The following SMARCC1 variants were observed in gnomAD, a reference collection of about 807,000 sequenced individuals.
SMARCC1 encodes the protein SWI/SNF related BAF chromatin remodeling complex subunit C1.
In SMARCC1, 43 loss-of-function variants were observed where a neutral mutation model predicts 147.4. The observed-to-expected ratio is 0.29, with a 90% CI of 0.23 to 0.38. SMARCC1 has a LOEUF of 0.38. SMARCC1 is among the 10% of genes least tolerant of loss of function. The probability of loss-of-function intolerance (pLI) is 1.00; values close to 1 mark genes in which losing one functional copy is unlikely to be tolerated. For synonymous variants in SMARCC1, 495 were observed against 484.4 expected (o/e 1.02, Z -0.29); for missense variants, 1,119 against 1,381.1 (o/e 0.81, Z 3.01).
At chr3:47,640,963 A>T (rs563012608) in intron 21 of SMARCC1, among the ~76,000 whole-genome samples, 6 of 152,356 alleles carry the variant, frequency 3.9e-5, no homozygotes, top group African/African-American at 1.2e-4. Flanking sequence ...ATTGAAAAGT[A>T]TCTGACAAAA....
At chr3:47,667,163 A>C (rs1198136210) in intron 19 of SMARCC1, among the ~76,000 whole-genome samples, 1 of 151,810 alleles carries the variant, frequency 6.6e-6, no homozygotes, top group Admixed American at 6.6e-5. Flanking sequence ...TAAAAACACA[A>C]AAAAATTAGC....
intron 11 of SMARCC1, among the ~76,000 whole-genome samples, chr3:47,699,803 G>A (rs894854522): frequency 3.3e-5 from 5 of 151,604 alleles, no homozygotes; most frequent in East Asian, 1.9e-4. Context: ...ATTTTTAACC[G>A]TATACTTCCT....
intron 7 of SMARCC1, among the ~76,000 whole-genome samples, chr3:47,715,157 A>C (rs2034140945): frequency 6.6e-6 from 1 of 152,120 alleles, no homozygotes; most frequent in Non-Finnish European, 1.5e-5. Context: ...TCCCTTGCTA[A>C]TTTCATTCAT....
chr3:47,633,779 T>TATACACACACACACACACAC (rs1367543059), intron 24 of SMARCC1, among the ~76,000 whole-genome samples: 1 of 28,874 alleles, frequency 3.5e-5, no homozygotes. Context: ...TATATATATA[T>TATACACACACACACACACAC]ACACACACAC....
chr3:47,738,306 C>T (rs916217791), intron 3 of SMARCC1, among the ~76,000 whole-genome samples, 196 bp from the exon 4 acceptor site: 1 of 152,136 alleles, frequency 6.6e-6, no homozygotes, highest in Admixed American at 6.6e-5. Flanking sequence ...TAAGATCCAC[C>T]TCAGTGAAAA....
chr3:47,705,468 A>G (rs1239339443), intron 10 of SMARCC1, among the ~76,000 whole-genome samples: 1 of 152,190 alleles, frequency 6.6e-6, no homozygotes, highest in Non-Finnish European at 1.5e-5. Context: ...TGATGAGTGT[A>G]ACTTGCTTAA....
At chr3:47,739,540 T>C (rs994183183) in intron 3 of SMARCC1, among the ~76,000 whole-genome samples, 1 of 152,118 alleles carries the variant, frequency 6.6e-6, no homozygotes, top group African/African-American at 2.4e-5. Flanking sequence ...ACTATGTTGG[T>C]CCAGACTGGT....
chr3:47,767,438 C>T (rs1277277864), intron 2 of SMARCC1, among the ~76,000 whole-genome samples: 1 of 146,888 alleles, frequency 6.8e-6, no homozygotes, highest in Non-Finnish European at 1.5e-5. Flanking sequence ...TGGAGTTTCT[C>T]CATGTTGGTC....
intron 26 of SMARCC1, among the ~76,000 whole-genome samples, chr3:47,596,374 C>T (rs2032282207): frequency 1.3e-5 from 2 of 151,896 alleles, no homozygotes; most frequent in South Asian, 4.2e-4. Context: ...TCAAGACCAG[C>T]CCGGCCAAGA....
intron 24 of SMARCC1, among the ~76,000 whole-genome samples, 186 bp downstream of exon 24, chr3:47,635,004 T>C (rs41290666): frequency 6.6e-6 from 1 of 152,226 alleles, no homozygotes; most frequent in Non-Finnish European, 1.5e-5. Context: ...AGTCACCCTT[T>C]AGACTGGATC....
chr3:47,601,698 CTT>C (rs869165458), intron 26 of SMARCC1: 22 of 138,218 alleles, frequency 1.6e-4, no homozygotes, highest in East Asian at 2.1e-4. Flanking sequence ...CTTTTTTTTT[CTT>C]TTTTTTTTTT....
At position 47,684,850 on chromosome 3, in the gene SMARCC1, C is replaced by T. The variant is rs899273333; in HGVS notation, c.1385+1199G>A. Among the ~76,000 whole-genome samples the T allele has an allele frequency of 2.6e-5, 4 of 151,996 alleles. 1 individual carries two copies. Among genetic ancestry groups the T allele is most frequent in the South Asian group, 4.1e-4 (2 of 4,826 alleles). On this transcript the variant is annotated intron_variant, in intron 14 of 27. Transcript: ENST00000254480. ...GACAGGGCCATTAAGTTTTTTCCTA[C>T]GTATACACATAAACACACACATACC...
At chr3:47,734,859 G>C (rs886689135) in intron 5 of SMARCC1, among the ~76,000 whole-genome samples, 1 of 152,224 alleles carries the variant, frequency 6.6e-6, no homozygotes, top group Non-Finnish European at 1.5e-5. Context: ...CTGGGTTCAA[G>C]TGATTCTCCT....
At chr3:47,712,696 T>G (rs1226788221) in intron 8 of SMARCC1, among the ~76,000 whole-genome samples, 1 of 152,178 alleles carries the variant, frequency 6.6e-6, no homozygotes, top group Non-Finnish European at 1.5e-5. Context: ...GAGGCAAAGC[T>G]TGGATTTGCA....
chr3:47,694,849 C>T (rs1168257104), intron 11 of SMARCC1, among the ~76,000 whole-genome samples: 1 of 152,206 alleles, frequency 6.6e-6, no homozygotes, highest in Admixed American at 6.5e-5. Context: ...ACCAATCTGA[C>T]ATAATCAACG....
At chr3:47,760,530 C>T (rs548269662) in intron 2 of SMARCC1, among the ~76,000 whole-genome samples, 15 of 151,738 alleles carry the variant, frequency 9.9e-5, no homozygotes, top group South Asian at 4.2e-4. Flanking sequence ...GGCGTTGTGG[C>T]GCATGCCTGT....
At chr3:47,778,192 A>C (rs2034998139) in intron 1 of SMARCC1, among the ~76,000 whole-genome samples, 1 of 143,722 alleles carries the variant, frequency 7.0e-6, no homozygotes, top group African/African-American at 2.7e-5. Context: ...CTCCATCTCA[A>C]AAAAAAAAAA....
At chr3:47,780,341 T>C (rs1372778573) in intron 1 of SMARCC1, among the ~76,000 whole-genome samples, 1 of 151,966 alleles carries the variant, frequency 6.6e-6, no homozygotes, top group Non-Finnish European at 1.5e-5. Context: ...CCGACTAATT[T>C]TGTATTTTTT....
rs1410961055 is a variant in SMARCC1, at chr3:47,588,339, C to T, written c.3221-33G>A. The T allele has an allele frequency of 3.2e-6, 5 of 1,585,506 alleles. No individual in the cohort carries two copies. The South Asian group carries it at 4.5e-5, about 14-fold the overall frequency. ...CATATCCAAGAGTAACTCGTTATTG[C>T]TGGAAATACAAGAGACTCAGGAAAG... On this transcript the variant is annotated intron_variant, in intron 27 of 27. Coordinates refer to ENST00000254480, the MANE Select transcript of SMARCC1 (RefSeq NM_003074.4).
Sources: gnomAD v4.1 joint callset for allele counts (sites outside exome capture counted in the v4.1 genomes callset) on GRCh38, gnomAD v4.1.1 for gene constraint, MANE v1.5 for transcripts, NCBI Gene and HGNC (gene_info 2026-07-23, HGNC 2026-07-21) for gene names.